Variants in RBMS3 observed in about 807,000 individuals in gnomAD.
RBMS3 encodes RNA binding motif single stranded interacting protein 3.
A neutral mutation model predicts 66.8 loss-of-function variants in RBMS3; 27 were observed. The observed-to-expected ratio is 0.40, with a 90% confidence interval of 0.30 to 0.56. The LOEUF (loss-of-function observed/expected upper bound fraction) is 0.56, where lower values mean the gene tolerates loss of function less well. Ranked by LOEUF, RBMS3 falls within the 20% of genes least tolerant of loss-of-function variation. The pLI is 0.40. For synonymous variants in RBMS3, 188 were observed against 183.0 expected (o/e 1.03, Z -0.22); for missense variants, 513 against 549.5 (o/e 0.93, Z 0.66).
At chr3:29,289,627 T>G in intron 1 of RBMS3, among the ~76,000 whole-genome samples, 1 of 151,892 alleles carries the variant, frequency 6.6e-6, no homozygotes, top group East Asian at 1.9e-4. Flanking sequence ...GAACCCGGAA[T>G]TTTGTTTCAT....
chr3:29,360,848 C>T (rs1316703820), intron 1 of RBMS3, among the ~76,000 whole-genome samples: 3 of 151,872 alleles, frequency 2.0e-5, no homozygotes, highest in African/African-American at 4.8e-5. Flanking sequence ...AAGTGTGTTT[C>T]ATCAGAGACT....
intron 1 of RBMS3, among the ~76,000 whole-genome samples, chr3:29,298,768 C>G (rs533288398): frequency 5.3e-4 from 80 of 151,946 alleles, no homozygotes; most frequent in African/African-American, 1.9e-3. Flanking sequence ...GTGCAATGTT[C>G]AATTTTAAGA....
chr3:29,716,866 G>A (rs865935925), intron 4 of RBMS3, among the ~76,000 whole-genome samples: 1 of 152,168 alleles, frequency 6.6e-6, no homozygotes, highest in Middle Eastern at 3.4e-3. Flanking sequence ...GGTAAATAAT[G>A]TTTATGGCTG....
intron 12 of RBMS3, among the ~76,000 whole-genome samples, chr3:29,977,722 T>C (rs1344461135): frequency 6.6e-6 from 1 of 152,170 alleles, no homozygotes; most frequent in African/African-American, 2.4e-5. Context: ...TATTCATTAA[T>C]GCTATAAGTT....
chr3:29,592,764 T>A (rs1280757031), intron 4 of RBMS3, among the ~76,000 whole-genome samples: 2 of 152,016 alleles, frequency 1.3e-5, no homozygotes, highest in African/African-American at 4.8e-5. Context: ...AACCCAAATG[T>A]CCATCGATGA....
intron 4 of RBMS3, among the ~76,000 whole-genome samples, chr3:29,649,360 T>A (rs2050061874): frequency 6.6e-6 from 1 of 152,214 alleles, no homozygotes; most frequent in Admixed American, 6.5e-5. Context: ...CGTGAATTTA[T>A]CATCACATTT....
At chr3:29,556,784 C>T (rs1197947488) in intron 3 of RBMS3, among the ~76,000 whole-genome samples, 1 of 152,110 alleles carries the variant, frequency 6.6e-6, no homozygotes, top group African/African-American at 2.4e-5. Context: ...TCTTAGGTTA[C>T]TGGAGCTGCT....
chr3:29,530,725 A>G (rs2045320287), intron 3 of RBMS3, among the ~76,000 whole-genome samples: 1 of 144,068 alleles, frequency 6.9e-6, no homozygotes, highest in Non-Finnish European at 1.5e-5. Context: ...AAAAAAAATT[A>G]GATGGGCGTG....
intron 2 of RBMS3, among the ~76,000 whole-genome samples, chr3:29,467,084 A>T (rs1470170187): frequency 6.6e-6 from 1 of 152,204 alleles, no homozygotes; most frequent in East Asian, 1.9e-4. Flanking sequence ...AAGAGTTTTC[A>T]TATACTCTAA....
chr3:29,647,587 C>A (rs1242164208), intron 4 of RBMS3, among the ~76,000 whole-genome samples: 1 of 141,586 alleles, frequency 7.1e-6, no homozygotes, highest in Admixed American at 7.2e-5. Flanking sequence ...TTGTGTTACT[C>A]CATAGTATCT....
intron 3 of RBMS3, among the ~76,000 whole-genome samples, chr3:29,505,292 A>G (rs540316628): frequency 1.3e-5 from 2 of 152,092 alleles, no homozygotes; most frequent in South Asian, 4.1e-4. Flanking sequence ...TAGCTGTCCC[A>G]ACAATATTTA....
At chr3:29,512,653 TAAAAA>T (rs1411930211) in intron 3 of RBMS3, among the ~76,000 whole-genome samples, 3 of 151,304 alleles carry the variant, frequency 2.0e-5, no homozygotes, top group African/African-American at 7.3e-5. Flanking sequence ...TCAGGGAAAA[TAAAAA>T]CGAAATAACC....
At position 29,991,206 on chromosome 3, in the gene RBMS3, C is replaced by CTAAG; in HGVS notation, c.1307+3_1307+6dup. On this transcript the variant is annotated frameshift_variant, in exon 14 of 15. Transcript: ENST00000383767. LOFTEE classifies it high-confidence loss of function. ...GCACCTGCATATTCTTACCAACAGTCTAAGTAAGTCTGGGCTGTGCTAAGC... is the reference window on the plus strand; with the variant it reads ...GCACCTGCATATTCTTACCAACAGTCTAAGTAAGTAAGTCTGGGCTGTGCTAAGC... 8.4e-4 allele frequency: 1,356 copies of CTAAG among 1,614,114 alleles called. 7 individuals carry two copies. In the African/African-American group the frequency reaches 0.015, roughly 18 times the overall value.
intron 7 of RBMS3, among the ~76,000 whole-genome samples, chr3:29,878,221 A>G (rs2149568781): frequency 6.6e-6 from 1 of 151,674 alleles, no homozygotes; most frequent in Non-Finnish European, 1.5e-5. Context: ...CCTGCTGCTC[A>G]CCTCCTGCTG....
intron 8 of RBMS3, among the ~76,000 whole-genome samples, chr3:29,885,028 C>T (rs951651404): frequency 4.6e-5 from 7 of 151,768 alleles, no homozygotes; most frequent in Non-Finnish European, 8.8e-5. Flanking sequence ...TCAGTTGCCT[C>T]TAAAGAAAAT....
At chr3:29,508,386 A>G (rs919696969) in intron 3 of RBMS3, among the ~76,000 whole-genome samples, 1 of 152,058 alleles carries the variant, frequency 6.6e-6, no homozygotes, top group Non-Finnish European at 1.5e-5. Context: ...AGTGTGTGAT[A>G]TTCCCCTCCC....
chr3:29,883,620 C>T (rs1187264009), intron 7 of RBMS3, among the ~76,000 whole-genome samples: 1 of 152,008 alleles, frequency 6.6e-6, no homozygotes. Context: ...TAAATGACCT[C>T]CCCTTTCTAT....
intron 12 of RBMS3, among the ~76,000 whole-genome samples, chr3:29,951,555 G>A (rs1027435029): frequency 6.6e-6 from 1 of 151,662 alleles, no homozygotes; most frequent in Non-Finnish European, 1.5e-5. Context: ...TACCTAGTAA[G>A]GGCGTGACTC....
rs568801582 is a variant in RBMS3 at position 29,529,965 on chromosome 3, A to G, written c.307+41466A>G. On this transcript the variant is annotated intron_variant, in intron 3 of 14. Transcript: ENST00000383767. ...CAGAGAATTGATTTCACTTCCCAAT[A>G]CTCTAGGTAGGGTGGATGGTATGCT... 7.2e-5 allele frequency among the ~76,000 whole-genome samples: 11 copies of G among 152,280 alleles called. No individual in the cohort carries two copies. In the South Asian group the frequency reaches 2.3e-3, roughly 32 times the overall value.
Sources: allele counts gnomAD v4.1 joint callset (sites outside exome capture counted in the v4.1 genomes callset), GRCh38; gene constraint gnomAD v4.1.1; transcripts MANE v1.5; gene names NCBI Gene and HGNC (gene_info 2026-07-23, HGNC 2026-07-21).